WT1: variants seen among roughly 807,000 people sequenced by gnomAD.
WT1 encodes the protein WT1 transcription factor.
WT1 carries 8 observed loss-of-function variants against 60.8 expected under a neutral mutation model. That is an observed-to-expected ratio of 0.13 (90% CI 0.08 to 0.24). WT1 has a LOEUF of 0.24. WT1 is among the 10% of genes least tolerant of loss of function. WT1 has a pLI of 1.00. For synonymous variants in WT1, 312 were observed against 297.1 expected (o/e 1.05, Z -0.52); for missense variants, 568 against 711.8 (o/e 0.80, Z 2.30).
intron 3 of WT1, among the ~76,000 whole-genome samples, chr11:32,421,508 T>C (rs1852853568): frequency 1.3e-5 from 2 of 152,334 alleles, no homozygotes; most frequent in African/African-American, 4.8e-5. Flanking sequence ...TAAAGTCACT[T>C]GTTTCCTATG....
rs997104313 is a variant in WT1, at chr11:32,435,332, G to T, written c.29C>A (p.Ala10Asp). 5.9e-6 allele frequency: 9 copies of T among 1,532,268 alleles called. 1 individual carries two copies. In the Admixed American group the frequency reaches 1.6e-4, roughly 27 times the overall value. 94.9% of individuals were successfully genotyped at this position (1,532,268 alleles called of 1,614,324 possible). A position where few individuals can be genotyped will look rare whatever the true frequency, so the allele number is the denominator to read the frequency against. ...CGCCGGCTCCGGGACACACGTGGAA[G>T]CCGGGTCCTGCAGCAAGAGGAAGTC... The change falls in exon 1 of 10, where the codon GCT (alanine) becomes GAT (aspartate). Residue 10 changes from alanine (A) to aspartate (D), a missense_variant. Coordinates refer to ENST00000452863, the MANE Select transcript of WT1 (RefSeq NM_024426.6).
At chr11:32,433,370 G>T (rs537718933) in intron 1 of WT1, among the ~76,000 whole-genome samples, 1 of 152,366 alleles carries the variant, frequency 6.6e-6, no homozygotes, top group South Asian at 2.1e-4. Context: ...GCTTCGCGGG[G>T]GCCGGGTGCT....
In WT1 at chr11:32,387,926, T is replaced by A. The variant is rs5030328; in HGVS notation, c.*1132A>T. ...TTAGTTGTCAAAGAGCAAATCATTA[T>A]CAGACATATATTTACACAGTAATTT... On this transcript the variant is annotated 3_prime_UTR_variant, in exon 10 of 10. Transcript: ENST00000452863. The A allele has an allele frequency of 0.024, 5,645 of 234,078 alleles. 92 individuals are homozygous for A. Among genetic ancestry groups the A allele is most frequent in the Non-Finnish European group, 0.039 (4,590 of 118,390 alleles). The allele number at this position is 234,078 out of a possible 1,614,324, so 14.5% of individuals were successfully genotyped here.
At chr11:32,394,876 TAA>T (rs913976083) in intron 7 of WT1, among the ~76,000 whole-genome samples, 1 of 152,220 alleles carries the variant, frequency 6.6e-6, no homozygotes, top group African/African-American at 2.4e-5. Context: ...TCTCTCTCAC[TAA>T]AAGTTTCTAC....
At chr11:32,422,841 G>A (rs939685706) in intron 3 of WT1, among the ~76,000 whole-genome samples, 4 of 152,174 alleles carry the variant, frequency 2.6e-5, no homozygotes, top group African/African-American at 7.2e-5. Context: ...ATTTAAATTC[G>A]TAGCACAGTT....
intron 2 of WT1, 133 bp downstream of exon 2, chr11:32,428,364 T>A: frequency 2.8e-6 from 4 of 1,449,952 alleles, no homozygotes; most frequent in Middle Eastern, 1.9e-4. Flanking sequence ...TACAGTGCCA[T>A]TGGGGTAATG....
intron 3 of WT1, among the ~76,000 whole-genome samples, chr11:32,419,565 C>T (rs7114908): frequency 0.15 from 22,343 of 152,186 alleles, 2,592 homozygotes; most frequent in African/African-American, 0.32. Flanking sequence ...AGATGAGTGA[C>T]AGACGCTGAT....
At chr11:32,392,105 T>C in intron 8 of WT1, 41 bp from the exon 9 acceptor site, 1 of 1,584,072 alleles carries the variant, frequency 6.3e-7, no homozygotes, top group Non-Finnish European at 8.7e-7. Flanking sequence ...CCTAACAATG[T>C]GGGCACAGTG....
chr11:32,399,385 T>C (rs1852077295), intron 6 of WT1, among the ~76,000 whole-genome samples: 1 of 152,178 alleles, frequency 6.6e-6, no homozygotes, highest in Non-Finnish European at 1.5e-5. Flanking sequence ...AACAATAATT[T>C]ATCAATATTG....
chr11:32,422,638 A>G (rs1339398527), intron 3 of WT1, among the ~76,000 whole-genome samples: 1 of 152,240 alleles, frequency 6.6e-6, no homozygotes, highest in Non-Finnish European at 1.5e-5. Context: ...AAGATTTCCC[A>G]GAAACTCTAT....
intron 3 of WT1, among the ~76,000 whole-genome samples, chr11:32,423,219 G>T (rs36106678): frequency 6.6e-6 from 1 of 152,176 alleles, no homozygotes; most frequent in Non-Finnish European, 1.5e-5. Context: ...CCAAACCAGG[G>T]TGGTCCTGGA....
chr11:32,421,901 T>A (rs1852868964), intron 3 of WT1, among the ~76,000 whole-genome samples: 1 of 152,248 alleles, frequency 6.6e-6, no homozygotes, highest in African/African-American at 2.4e-5. Context: ...GCCACGTAGC[T>A]GCTGGCTGGC....
chr11:32,434,674 T>C (rs1234303745), intron 1 of WT1, 26 bp downstream of exon 1: 11 of 1,611,976 alleles, frequency 6.8e-6, no homozygotes, highest in Non-Finnish European at 9.3e-6. Flanking sequence ...GCCCCGCGCG[T>C]AGGGGGCGCT....
chr11:32,408,080 G>T (rs908859357), intron 5 of WT1, among the ~76,000 whole-genome samples: 9 of 150,996 alleles, frequency 6.0e-5, no homozygotes, highest in Admixed American at 2.6e-4. Flanking sequence ...AAAATTAGCT[G>T]GGCATGGTGG....
intron 2 of WT1, 38 bp from the exon 3 acceptor site, chr11:32,428,096 C>T: frequency 2.6e-6 from 4 of 1,554,168 alleles, no homozygotes; most frequent in Non-Finnish European, 3.5e-6. Context: ...CGAGTGCGCC[C>T]CAAGGGCTCG....
chr11:32,390,241 C>T (rs902121537), intron 9 of WT1, among the ~76,000 whole-genome samples: 9 of 152,320 alleles, frequency 5.9e-5, no homozygotes, highest in African/African-American at 2.2e-4. Context: ...TCCCACTTGG[C>T]CTTCTCTGAG....
intron 7 of WT1, among the ~76,000 whole-genome samples, chr11:32,393,552 G>C (rs531448812): frequency 7.0e-6 from 1 of 142,402 alleles, no homozygotes; most frequent in South Asian, 2.4e-4. Flanking sequence ...AATCAGTCAG[G>C]TCTTTCTGTT....
At chr11:32,424,047 A>G (rs932136510) in intron 3 of WT1, among the ~76,000 whole-genome samples, 1 of 151,524 alleles carries the variant, frequency 6.6e-6, no homozygotes, top group East Asian at 2.0e-4. Flanking sequence ...CTGTAGTCCC[A>G]GCTACTTGGG....
intron 5 of WT1, among the ~76,000 whole-genome samples, chr11:32,408,025 C>T (rs1159622071): frequency 6.6e-6 from 1 of 151,434 alleles, no homozygotes; most frequent in Non-Finnish European, 1.5e-5. Context: ...GAGCTTGAGG[C>T]CAGCCTGGCT....
Sources: gnomAD v4.1 joint callset for allele counts (sites outside exome capture counted in the v4.1 genomes callset) on GRCh38, gnomAD v4.1.1 for gene constraint, MANE v1.5 for transcripts, NCBI Gene and HGNC (gene_info 2026-07-23, HGNC 2026-07-21) for gene names.